Variants in CHST9 observed in about 807,000 individuals in gnomAD.
The protein encoded by CHST9 is GalNAc-4-sulfotransferase 2.
In CHST9, 41 loss-of-function variants were observed where a neutral mutation model predicts 44.4. That is an observed-to-expected ratio of 0.92 (90% confidence interval 0.72 to 1.20). The LOEUF (loss-of-function observed/expected upper bound fraction) is 1.20, where lower values mean the gene tolerates loss of function less well. Ranked by LOEUF, CHST9 falls within the 50% of genes most tolerant of loss-of-function variation. The probability of loss-of-function intolerance (pLI) is 0.00; values close to 1 mark genes in which losing one functional copy is unlikely to be tolerated. For missense variants in CHST9, 504 were observed against 516.5 expected (o/e 0.98, Z 0.23); for synonymous variants, 171 against 178.4 (o/e 0.96, Z 0.33).
intron 1 of CHST9, among the ~76,000 whole-genome samples, chr18:27,153,708 T>C (rs112629885): frequency 3.3e-5 from 5 of 152,116 alleles, no homozygotes; most frequent in African/African-American, 1.2e-4. Flanking sequence ...GCAAAGACTC[T>C]TTTACCAAAT....
intron 1 of CHST9, among the ~76,000 whole-genome samples, chr18:27,172,495 A>G (rs1344480240): frequency 6.6e-6 from 1 of 151,958 alleles, no homozygotes; most frequent in Non-Finnish European, 1.5e-5. Flanking sequence ...CTTTATTTTA[A>G]GATAATCAGT....
At chr18:26,951,854 A>G (rs1322513052) in intron 4 of CHST9, among the ~76,000 whole-genome samples, 1 of 152,200 alleles carries the variant, frequency 6.6e-6, no homozygotes. Context: ...AGGGCAGAGA[A>G]CACCATACAC....
In CHST9 at chr18:26,917,104, C is replaced by T. The variant is rs1568089415; in HGVS notation, c.487G>A (p.Val163Ile). ...GTTTTCTTCCATTTATTATCTTTGA[C>T]TAAACTTTTGTTTAAAGGGTGAATG... The part of the protein sequence containing the change: ...VDIHPLNKSL[V>I]KDNKWKKTEE... Residue 163 changes from valine (V) to isoleucine (I), a missense_variant, in exon 6 of 6, where the codon GTC (valine) becomes ATC (isoleucine). Coordinates refer to ENST00000618847, the MANE Select transcript of CHST9 (RefSeq NM_031422.6). 2 of 1,613,932 alleles carry T rather than the reference C, an allele frequency of 1.2e-6. No homozygotes were observed. Among genetic ancestry groups the T allele is most frequent in the South Asian group, 1.1e-5 (1 of 91,082 alleles).
At chr18:27,037,909 G>A (rs541489140) in intron 3 of CHST9, among the ~76,000 whole-genome samples, 113 of 151,626 alleles carry the variant, frequency 7.5e-4, no homozygotes, top group African/African-American at 2.6e-3. Flanking sequence ...ATTCAGATAA[G>A]AAAGCATTGC....
At chr18:27,135,484 A>G (rs2143847758) in intron 2 of CHST9, among the ~76,000 whole-genome samples, 1 of 152,324 alleles carries the variant, frequency 6.6e-6, no homozygotes, top group East Asian at 1.9e-4. Flanking sequence ...TCAGCTTAAT[A>G]AGAGTATTAC....
intron 2 of CHST9, among the ~76,000 whole-genome samples, chr18:27,073,725 A>C (rs1340504417): frequency 6.6e-6 from 1 of 151,278 alleles, no homozygotes; most frequent in Non-Finnish European, 1.5e-5. Flanking sequence ...TGGTTCCCCT[A>C]CTCCCCCGCA....
intron 4 of CHST9, among the ~76,000 whole-genome samples, chr18:26,979,660 C>T (rs1385539000): frequency 6.6e-6 from 1 of 152,008 alleles, no homozygotes; most frequent in Non-Finnish European, 1.5e-5. Flanking sequence ...GTCATTTTAC[C>T]AAGAGCTCCT....
chr18:27,160,593 A>T (rs1046574000), intron 1 of CHST9, among the ~76,000 whole-genome samples: 1 of 152,168 alleles, frequency 6.6e-6, no homozygotes, highest in African/African-American at 2.4e-5. Flanking sequence ...TGTCTCTGCC[A>T]GGCTTTGGTA....
intron 2 of CHST9, among the ~76,000 whole-genome samples, chr18:27,111,393 T>C (rs1436411162): frequency 1.3e-5 from 2 of 152,246 alleles, no homozygotes; most frequent in East Asian, 3.8e-4. Flanking sequence ...TTGAATTATA[T>C]TTTATCCTTC....
chr18:27,137,171 A>G (rs181056843), intron 2 of CHST9, among the ~76,000 whole-genome samples: 6 of 151,950 alleles, frequency 3.9e-5, no homozygotes, highest in Admixed American at 3.3e-4. Flanking sequence ...GAAGAAAATG[A>G]ATAAGAAGGA....
chr18:27,111,318 C>T (rs2058268955), intron 2 of CHST9, among the ~76,000 whole-genome samples: 1 of 152,162 alleles, frequency 6.6e-6, no homozygotes, highest in Non-Finnish European at 1.5e-5. Flanking sequence ...ATAATTAGTG[C>T]ATACATTGAC....
At chr18:27,012,394 A>G (rs77978869) in intron 4 of CHST9, among the ~76,000 whole-genome samples, 17,552 of 152,254 alleles carry the variant, frequency 0.12, 1,228 homozygotes, top group East Asian at 0.26. Context: ...TAAGAAAATC[A>G]TAAGAAAGAG....
intron 4 of CHST9, among the ~76,000 whole-genome samples, chr18:26,965,764 A>T (rs1458623985): frequency 6.6e-6 from 1 of 152,226 alleles, no homozygotes; most frequent in African/African-American, 2.4e-5. Context: ...AAGGGTAAGA[A>T]GATCTTATAC....
rs577995658 is a variant in CHST9, at chr18:26,907,652, G to A, written c.*8607C>T. The A allele has an allele frequency of 5.9e-5, 9 of 152,964 alleles. No individual in the cohort carries two copies. Among genetic ancestry groups the A allele is most frequent in the African/African-American group, 2.2e-4 (9 of 41,590 alleles). 9.5% of individuals were successfully genotyped at this position (152,964 alleles called of 1,614,324 possible). ...AGGAATAAAGGACACTTCAGGTCGT[G>A]TAATAGTGTGAGCAAAATAGGGGAA... is the stretch of plus-strand genomic sequence containing the variant. On this transcript the variant is annotated 3_prime_UTR_variant, in exon 6 of 6. Coordinates refer to ENST00000618847, the MANE Select transcript of CHST9 (RefSeq NM_031422.6).
intron 2 of CHST9, among the ~76,000 whole-genome samples, chr18:27,073,719 T>C (rs1448369385): frequency 1.3e-5 from 2 of 151,980 alleles, no homozygotes; most frequent in African/African-American, 4.8e-5. Flanking sequence ...TCTCTGTGGT[T>C]CCCCTACTCC....
At chr18:27,013,951 G>A (rs2057115918) in intron 4 of CHST9, among the ~76,000 whole-genome samples, 1 of 152,130 alleles carries the variant, frequency 6.6e-6, no homozygotes. Flanking sequence ...CTTTGGAAAA[G>A]TTGGTAAATA....
intron 1 of CHST9, among the ~76,000 whole-genome samples, chr18:27,150,938 C>T (rs963321654): frequency 1.3e-5 from 2 of 152,006 alleles, no homozygotes; most frequent in East Asian, 1.9e-4. Flanking sequence ...GGCACATAAA[C>T]GTTTTGAAAA....
At chr18:27,084,063 T>C (rs771893437) in intron 2 of CHST9, among the ~76,000 whole-genome samples, 1 of 152,030 alleles carries the variant, frequency 6.6e-6, no homozygotes, top group African/African-American at 2.4e-5. Flanking sequence ...TGAGGATTTT[T>C]GTATCTATGT....
intron 1 of CHST9, 33 bp from the exon 2 acceptor site, chr18:27,142,938 T>C (rs2058580393): frequency 1.2e-5 from 9 of 780,366 alleles, no homozygotes; most frequent in Non-Finnish European, 1.8e-5. Context: ...ACATTGTACA[T>C]TTCTGCTAAT....
Sources: allele counts gnomAD v4.1 joint callset (sites outside exome capture counted in the v4.1 genomes callset), GRCh38; gene constraint gnomAD v4.1.1; transcripts MANE v1.5; gene names NCBI Gene and HGNC (gene_info 2026-07-23, HGNC 2026-07-21).